Variants in EXOC4 observed in about 807,000 individuals in gnomAD.
EXOC4 encodes exocyst complex component 4.
A neutral mutation model predicts 107.2 loss-of-function variants in EXOC4; 71 were observed. The ratio of observed to expected loss-of-function variants is 0.66; its 90% confidence interval spans 0.55 to 0.81. The LOEUF (loss-of-function observed/expected upper bound fraction) is 0.81, where lower values mean the gene tolerates loss of function less well. EXOC4 is among the 30% of genes least tolerant of loss of function. EXOC4 has a pLI of 0.00. For synonymous variants in EXOC4, 456 were observed against 441.2 expected (o/e 1.03, Z -0.42); for missense variants, 1,108 against 1,189.6 (o/e 0.93, Z 1.01).
At chr7:134,100,407 G>A in the EXOC4 span, among the ~76,000 whole-genome samples, 26 of 128,674 alleles carry the variant, frequency 2.0e-4, 6 homozygotes, top group Middle Eastern at 9.3e-3. Flanking sequence ...AAGCCACCCA[G>A]CATGTGGTAC....
chr7:133,547,037 C>T (rs993670181), intron 9 of EXOC4, among the ~76,000 whole-genome samples: 19 of 152,138 alleles, frequency 1.2e-4, no homozygotes, highest in African/African-American at 4.6e-4. Flanking sequence ...ATTCATTAAT[C>T]ATTCTCTTTT....
chr7:133,610,846 C>G (rs900671948), intron 9 of EXOC4, among the ~76,000 whole-genome samples: 1 of 149,778 alleles, frequency 6.7e-6, no homozygotes, highest in African/African-American at 2.5e-5. Context: ...GGATCTCACT[C>G]TGTCACCCAG....
intron 9 of EXOC4, among the ~76,000 whole-genome samples, chr7:133,623,186 T>C (rs765383376): frequency 4.0e-5 from 6 of 151,726 alleles, no homozygotes; most frequent in Non-Finnish European, 7.4e-5. Flanking sequence ...TGTCTTAACC[T>C]AAAGTATAAC....
chr7:133,819,458 A>G (rs1797457125), intron 11 of EXOC4, among the ~76,000 whole-genome samples: 1 of 152,134 alleles, frequency 6.6e-6, no homozygotes, highest in South Asian at 2.1e-4. Flanking sequence ...AATGTCAGGC[A>G]GCAGGAAGGT....
At chr7:133,741,439 A>G (rs1022416299) in intron 10 of EXOC4, among the ~76,000 whole-genome samples, 1 of 152,224 alleles carries the variant, frequency 6.6e-6, no homozygotes, top group South Asian at 2.1e-4. Context: ...TTTAGTTAAC[A>G]TAACACCTCG....
At chr7:134,015,909 A>C (rs1794896393) in intron 17 of EXOC4, among the ~76,000 whole-genome samples, 1 of 151,340 alleles carries the variant, frequency 6.6e-6, no homozygotes, top group South Asian at 2.1e-4. Flanking sequence ...GTAGGGCTTC[A>C]ACAATGTATC....
intron 14 of EXOC4, among the ~76,000 whole-genome samples, chr7:133,944,593 C>G (rs1010081120): frequency 6.6e-6 from 1 of 152,158 alleles, no homozygotes; most frequent in Non-Finnish European, 1.5e-5. Context: ...TTTGGATTGA[C>G]TCTCCACTTT....
chr7:133,992,606 A>G (rs1051169893), intron 14 of EXOC4, among the ~76,000 whole-genome samples: 1 of 151,828 alleles, frequency 6.6e-6, no homozygotes, highest in Non-Finnish European at 1.5e-5. Flanking sequence ...TGGATTTTGT[A>G]TCCTGCAACT....
chr7:133,478,253 G>A (rs1282420960), intron 8 of EXOC4, among the ~76,000 whole-genome samples: 2 of 149,510 alleles, frequency 1.3e-5, no homozygotes, highest in East Asian at 2.0e-4. Flanking sequence ...TTCAACCTCA[G>A]TCAGACCACA....
intron 11 of EXOC4, among the ~76,000 whole-genome samples, chr7:133,821,411 A>G (rs1797517650): frequency 6.6e-6 from 1 of 152,224 alleles, no homozygotes; most frequent in South Asian, 2.1e-4. Context: ...TCTGAGGATT[A>G]TGCTTGTCTG....
intron 9 of EXOC4, among the ~76,000 whole-genome samples, chr7:133,497,428 GTT>G (rs1220022922): frequency 9.3e-5 from 13 of 139,270 alleles, no homozygotes; most frequent in African/African-American, 2.4e-4. Context: ...CTCTGTCAGT[GTT>G]TTTTTTTTTT....
intron 14 of EXOC4, among the ~76,000 whole-genome samples, chr7:133,941,489 T>TC (rs1277389602): frequency 6.6e-6 from 1 of 152,204 alleles, no homozygotes; most frequent in Non-Finnish European, 1.5e-5. Flanking sequence ...GGTAATTTTT[T>TC]CATCTCTTTT....
chr7:133,910,663 A>G (rs1799672924), intron 12 of EXOC4, among the ~76,000 whole-genome samples: 1 of 152,200 alleles, frequency 6.6e-6, no homozygotes, highest in South Asian at 2.1e-4. Context: ...AATTGTCATT[A>G]TCACTTGTGT....
intron 9 of EXOC4, among the ~76,000 whole-genome samples, chr7:133,504,717 A>G (rs1479523502): frequency 1.3e-5 from 2 of 152,130 alleles, no homozygotes; most frequent in East Asian, 1.9e-4. Flanking sequence ...ATATGATTAT[A>G]TCTGAATAGA....
chr7:133,567,551 G>A (rs1319445927), intron 9 of EXOC4, among the ~76,000 whole-genome samples: 1 of 152,110 alleles, frequency 6.6e-6, no homozygotes, highest in African/African-American at 2.4e-5. Flanking sequence ...GCGTTTGCAG[G>A]CCAAACCGTT....
At chr7:133,940,105 A>G (rs771833673) in intron 14 of EXOC4, among the ~76,000 whole-genome samples, 2 of 152,186 alleles carry the variant, frequency 1.3e-5, no homozygotes, top group African/African-American at 4.8e-5. Flanking sequence ...ATTTAATGCT[A>G]CAATCTCTTA....
chr7:133,898,069 T>G (rs1013732484), intron 12 of EXOC4, among the ~76,000 whole-genome samples: 11 of 147,376 alleles, frequency 7.5e-5, no homozygotes, highest in Admixed American at 1.4e-4. Flanking sequence ...CTTCTATAAG[T>G]TCAACTCTTT....
intron 9 of EXOC4, among the ~76,000 whole-genome samples, chr7:133,619,984 C>CTGTGTG (rs34442997): frequency 0.11 from 16,971 of 149,476 alleles, 1,060 homozygotes; most frequent in East Asian, 0.22. Context: ...TCCCTGTTTT[C>CTGTGTG]TGTGTGTGTG....
At chr7:134,022,815 A>C (rs1002826853) in intron 17 of EXOC4, among the ~76,000 whole-genome samples, 3 of 152,242 alleles carry the variant, frequency 2.0e-5, no homozygotes, top group Admixed American at 6.5e-5. Context: ...CACTAAGGCT[A>C]GCTCACTCCT....
Sources: allele counts gnomAD v4.1 joint callset (sites outside exome capture counted in the v4.1 genomes callset), GRCh38; gene constraint gnomAD v4.1.1; transcripts MANE v1.5; gene names NCBI Gene and HGNC (gene_info 2026-07-23, HGNC 2026-07-21).